KATNAL1: variants seen among roughly 807,000 people sequenced by gnomAD.
KATNAL1 encodes katanin catalytic subunit A1 like 1, also known as katanin p60 ATPase-containing subunit A-like 1.
KATNAL1 carries 32 observed loss-of-function variants against 55.2 expected under a neutral mutation model. That is an observed-to-expected ratio of 0.58 (90% CI 0.44 to 0.78). The LOEUF is 0.78. Among genes scored for constraint, KATNAL1 ranks in the 30% least tolerant of loss-of-function variants. KATNAL1 has a pLI of 0.00. For missense variants in KATNAL1, 466 were observed against 600.9 expected, an observed-to-expected ratio of 0.78 and a Z score of 2.35; for synonymous variants, 193 against 193.6, an observed-to-expected ratio of 1.00 and a Z score of 0.02.
intron 9 of KATNAL1, among the ~76,000 whole-genome samples, chr13:30,224,801 C>T (rs955472941): frequency 6.6e-6 from 1 of 152,142 alleles, no homozygotes; most frequent in Non-Finnish European, 1.5e-5. Context: ...GCCATCACTA[C>T]AGATCCTATG....
chr13:30,233,746 C>T (rs764761969), intron 6 of KATNAL1, among the ~76,000 whole-genome samples: 9 of 152,144 alleles, frequency 5.9e-5, no homozygotes, highest in East Asian at 1.9e-4. Context: ...ATATACAAAA[C>T]GGAATACTAT....
intron 1 of KATNAL1, among the ~76,000 whole-genome samples, chr13:30,300,049 T>C (rs1444147449): frequency 1.3e-5 from 2 of 152,056 alleles, no homozygotes; most frequent in Non-Finnish European, 2.9e-5. Context: ...CTAAGACATA[T>C]AATTGAAAAA....
Position 30,279,330 on chromosome 13 carries a change from T to C in KATNAL1, c.323+733A>G, listed in dbSNP as rs1253257924. ...CATGGTCCTTGTCCTTGCAAATCTT[T>C]TGAAGCAACAAATAAATGCAACATG... is the stretch of plus-strand genomic sequence containing the variant. On this transcript the variant is annotated intron_variant, in intron 3 of 10. Transcript: ENST00000380615. 2.0e-5 allele frequency among the ~76,000 whole-genome samples: 3 copies of C among 152,214 alleles called. No homozygotes were observed. In the East Asian group the frequency reaches 5.8e-4, roughly 29 times the overall value.
chr13:30,239,685 A>AT (rs35752433), intron 6 of KATNAL1, among the ~76,000 whole-genome samples: 19,291 of 99,004 alleles, frequency 0.19, 1,696 homozygotes, highest in Non-Finnish European at 0.24. Context: ...TACAGAAGTG[A>AT]TTTTTTTTTT....
chr13:30,288,481 C>A (rs1881935689), intron 1 of KATNAL1, among the ~76,000 whole-genome samples: 1 of 152,168 alleles, frequency 6.6e-6, no homozygotes, highest in Admixed American at 6.5e-5. Context: ...TTTGCTTTAA[C>A]TTATAACAGC....
In KATNAL1 at chr13:30,204,785, T is replaced by C. The variant is rs1872960909; in HGVS notation, c.*3755A>G. 1 of 152,206 alleles carries C rather than the reference T, an allele frequency of 6.6e-6. No homozygotes were observed. The allele number at this position is 152,206 out of a possible 1,614,324, so 9.4% of individuals were successfully genotyped here. ...AATATGACATCACAATCTCAGAAGC[T>C]GAAATTAAGCCCTGAGCTATACAGC... On this transcript the variant is annotated 3_prime_UTR_variant, in exon 11 of 11. Transcript: ENST00000380615.
chr13:30,260,220 G>GTA (rs974972086), intron 3 of KATNAL1, among the ~76,000 whole-genome samples: 29 of 152,140 alleles, frequency 1.9e-4, no homozygotes, highest in Non-Finnish European at 4.4e-5. Flanking sequence ...AAACCCATCT[G>GTA]TACATCACCA....
At chr13:30,295,695 T>C (rs778934453) in intron 1 of KATNAL1, among the ~76,000 whole-genome samples, 2 of 152,206 alleles carry the variant, frequency 1.3e-5, no homozygotes, top group Non-Finnish European at 2.9e-5. Context: ...CTGGTGAAGA[T>C]GCTTGTGAAC....
intron 5 of KATNAL1, 137 bp downstream of exon 5, chr13:30,240,822 C>A (rs1877193624): frequency 1.2e-6 from 1 of 850,344 alleles, no homozygotes; most frequent in East Asian, 2.6e-5. Context: ...ACAGAACTGT[C>A]TCGTCAATTC....
chr13:30,219,933 T>G (rs1461908263), intron 9 of KATNAL1, among the ~76,000 whole-genome samples: 1 of 152,230 alleles, frequency 6.6e-6, no homozygotes, highest in Non-Finnish European at 1.5e-5. Context: ...TAAGCTTTCC[T>G]TAGCAGTTCA....
intron 3 of KATNAL1, among the ~76,000 whole-genome samples, chr13:30,271,878 G>GAAAAAAAAAAA (rs71299873): frequency 5.2e-5 from 4 of 76,792 alleles, no homozygotes; most frequent in East Asian, 4.0e-4. Context: ...AAGAAAAGAG[G>GAAAAAAAAAAA]AAAAAAAAAA....
At chr13:30,237,191 C>T (rs1463850148) in intron 6 of KATNAL1, among the ~76,000 whole-genome samples, 1 of 152,174 alleles carries the variant, frequency 6.6e-6, no homozygotes, top group Non-Finnish European at 1.5e-5. Context: ...CTGCACTTAG[C>T]CTATCATGTG....
chr13:30,277,503 A>G (rs1880927960), intron 3 of KATNAL1, among the ~76,000 whole-genome samples: 1 of 152,254 alleles, frequency 6.6e-6, no homozygotes, highest in Non-Finnish European at 1.5e-5. Context: ...GTTATCTAAC[A>G]TTCACTATCG....
chr13:30,267,401 C>T (rs1879861850), intron 3 of KATNAL1, among the ~76,000 whole-genome samples: 1 of 152,124 alleles, frequency 6.6e-6, no homozygotes, highest in African/African-American at 2.4e-5. Context: ...TTTATAAAAC[C>T]AAGTGGATAC....
chr13:30,302,314 T>A (rs1882905126), intron 1 of KATNAL1, among the ~76,000 whole-genome samples: 1 of 152,338 alleles, frequency 6.6e-6, no homozygotes, highest in East Asian at 1.9e-4. Context: ...TAAGGCCACG[T>A]GGAGTTCACT....
At chr13:30,287,382 T>G (rs1231793672) in intron 1 of KATNAL1, among the ~76,000 whole-genome samples, 1 of 152,156 alleles carries the variant, frequency 6.6e-6, no homozygotes, top group Non-Finnish European at 1.5e-5. Context: ...ATCTGCCATT[T>G]CCCCTGCTGG....
intron 6 of KATNAL1, among the ~76,000 whole-genome samples, chr13:30,239,151 T>G (rs1224026465): frequency 6.6e-6 from 1 of 152,182 alleles, no homozygotes. Context: ...GGTTTATGCT[T>G]GTAATCCCAG....
intron 9 of KATNAL1, among the ~76,000 whole-genome samples, chr13:30,215,213 A>G (rs1434069890): frequency 6.6e-6 from 1 of 152,018 alleles, no homozygotes; most frequent in Non-Finnish European, 1.5e-5. Flanking sequence ...TGCAAATCAA[A>G]ACCACAATGA....
rs772284242 is a variant in KATNAL1, at chr13:30,241,034, T to C, written c.545A>G (p.Asp182Gly). ...CAGATCCTTATCATAACCAGCACCA[T>C]CAAATTTTGGCATTTCACCATCACT... ...GASDGEMPKF[D>G]GAGYDKDLVE... The change falls in exon 5 of 11, where the codon GAT becomes GGT. Residue 182 changes from aspartate (D) to glycine (G), a missense_variant. This residue lies in a region of KATNAL1 where 248 missense variants were observed against 275.5 expected (regional missense o/e 0.90). Coordinates refer to ENST00000380615, the MANE Select transcript of KATNAL1 (RefSeq NM_032116.5). 5 of 1,613,542 alleles carry C rather than the reference T, an allele frequency of 3.1e-6. No individual in the cohort carries two copies. The highest frequency in any genetic ancestry group is 2.2e-5 in the South Asian group (2 of 91,060).
Sources: allele counts gnomAD v4.1 joint callset (sites outside exome capture counted in the v4.1 genomes callset), GRCh38; gene constraint gnomAD v4.1.1; regional missense constraint gnomAD v4.1.1; transcripts MANE v1.5; gene names NCBI Gene and HGNC (gene_info 2026-07-23, HGNC 2026-07-21).